The following SWT1 variants were observed in gnomAD, a reference collection of about 807,000 sequenced individuals.
SWT1 encodes transcriptional protein SWT1.
A neutral mutation model predicts 107.3 loss-of-function variants in SWT1; 33 were observed. That is an observed-to-expected ratio of 0.31 (90% CI 0.23 to 0.41). The LOEUF is 0.41. Ranked by LOEUF, SWT1 falls within the 10% of genes least tolerant of loss-of-function variation. The probability of loss-of-function intolerance (pLI) is 1.00; values close to 1 mark genes in which losing one functional copy is unlikely to be tolerated. For missense variants in SWT1, 898 were observed against 1,028.9 expected, an observed-to-expected ratio of 0.87 and a Z score of 1.74; for synonymous variants, 345 against 348.3, an observed-to-expected ratio of 0.99 and a Z score of 0.11.
chr1:185,291,009 A>G lies in SWT1; in HGVS notation c.*206A>G, dbSNP rs902246945. 6.2e-6 allele frequency: 2 copies of G among 322,492 alleles called. No homozygotes were observed. The highest frequency in any genetic ancestry group is 4.3e-5 in the African/African-American group (2 of 46,192). The allele number at this position is 322,492 out of a possible 1,614,324, so 20.0% of individuals were successfully genotyped here. A position where few individuals can be genotyped will look rare whatever the true frequency, so the allele number is the denominator to read the frequency against. ...CTGTGGAATAAACTCCATAGACTCA[A>G]CTCTTCTGGAGTTCACAATGCCTCC... On this transcript the variant is annotated 3_prime_UTR_variant, in exon 19 of 19. Transcript: ENST00000367500.
intron 13 of SWT1, among the ~76,000 whole-genome samples, chr1:185,207,908 C>CAT (rs745807992): frequency 1.4e-4 from 22 of 152,130 alleles, no homozygotes; most frequent in Non-Finnish European, 2.4e-4. Context: ...CTCAAAAAAA[C>CAT]ATATATATAA....
intron 9 of SWT1, among the ~76,000 whole-genome samples, chr1:185,188,380 G>A (rs1246432390): frequency 6.6e-6 from 1 of 152,158 alleles, no homozygotes; most frequent in Non-Finnish European, 1.5e-5. Flanking sequence ...GAATTGAATT[G>A]TTTAAAGTTA....
intron 17 of SWT1, among the ~76,000 whole-genome samples, chr1:185,276,117 A>G (rs1283233878): frequency 6.6e-6 from 1 of 152,176 alleles, no homozygotes; most frequent in East Asian, 1.9e-4. Context: ...TGTCTTCCAT[A>G]TGTGTGCCAT....
In SWT1 at chr1:185,269,676, A is replaced by C. The variant is rs142846033; in HGVS notation, c.2442-1647A>C. Among the ~76,000 whole-genome samples the C allele has an allele frequency of 4.9e-3, 746 of 152,352 alleles. 8 individuals are homozygous for C. The highest frequency in any genetic ancestry group is 7.5e-3 in the Non-Finnish European group (508 of 68,018). On this transcript the variant is annotated intron_variant, in intron 16 of 18. Transcript: ENST00000367500. ...ACCCAGAGACAGTGTTGTAATTAAA[A>C]GCCATTAGGAATCTAAAAGTTAACC... is the stretch of plus-strand genomic sequence containing the variant.
chr1:185,237,658 T>C (rs938557544), intron 16 of SWT1, among the ~76,000 whole-genome samples: 3 of 152,056 alleles, frequency 2.0e-5, no homozygotes, highest in Non-Finnish European at 4.4e-5. Flanking sequence ...GTAACAAACC[T>C]GCCCATTCTG....
chr1:185,218,171 A>G (rs1659367030), intron 14 of SWT1, among the ~76,000 whole-genome samples: 1 of 152,234 alleles, frequency 6.6e-6, no homozygotes, highest in South Asian at 2.1e-4. Context: ...ATTACCTCCA[A>G]AGATATGGTA....
chr1:185,249,861 G>A (rs950165548), intron 16 of SWT1, among the ~76,000 whole-genome samples: 19 of 152,194 alleles, frequency 1.2e-4, no homozygotes, highest in African/African-American at 4.6e-4. Context: ...AGAAAAGGAA[G>A]CTGCAATTGA....
At position 185,174,576 on chromosome 1, in the gene SWT1, G is replaced by A. The variant is rs1323223498; in HGVS notation, c.429G>A (p.Lys143=). The A allele has an allele frequency of 1.2e-6, 2 of 1,608,482 alleles. No individual in the cohort carries two copies. The highest frequency in any genetic ancestry group is 2.2e-5 in the East Asian group (1 of 44,864). The stretch of plus-strand genomic sequence containing the variant: ...TCAAATTGACAAATGCTGGGAGCAA[G>A]CTTGACCATGGAATTAAAAGCCTTA... ...KDIKLTNAGS[K]LDHGIKSLSS... The change falls in exon 5 of 19, where the codon AAG becomes AAA. Residue 143 remains lysine, a synonymous_variant. Transcript: ENST00000367500.
chr1:185,256,426 C>G (rs1369139272), intron 16 of SWT1, among the ~76,000 whole-genome samples: 9 of 151,412 alleles, frequency 5.9e-5, no homozygotes, highest in Non-Finnish European at 1.2e-4. Flanking sequence ...ACCAATCAGA[C>G]GTAGATTTGG....
intron 15 of SWT1, among the ~76,000 whole-genome samples, chr1:185,225,076 A>G (rs1659949076): frequency 6.6e-6 from 1 of 152,080 alleles, no homozygotes; most frequent in South Asian, 2.1e-4. Flanking sequence ...CCTTTATTGC[A>G]TTGAGGTATG....
intron 7 of SWT1, among the ~76,000 whole-genome samples, chr1:185,182,834 T>G (rs1454051693): frequency 6.6e-6 from 1 of 152,188 alleles, no homozygotes; most frequent in Non-Finnish European, 1.5e-5. Flanking sequence ...TCAAATTCCA[T>G]TTTTAAAAAT....
At chr1:185,264,310 A>G (rs1558087756) in intron 16 of SWT1, 2 of 981,094 alleles carry the variant, frequency 2.0e-6, no homozygotes, top group Non-Finnish European at 2.4e-6. Context: ...TATTGTCAAT[A>G]TCAGGACTAA....
intron 10 of SWT1, among the ~76,000 whole-genome samples, chr1:185,191,299 T>C (rs1047140195): frequency 1.3e-5 from 2 of 152,152 alleles, no homozygotes; most frequent in African/African-American, 2.4e-5. Context: ...AGTTCAAAGA[T>C]AAAACTAAGA....
At chr1:185,219,452 A>G (rs1659466805) in intron 14 of SWT1, among the ~76,000 whole-genome samples, 1 of 152,226 alleles carries the variant, frequency 6.6e-6, no homozygotes, top group Non-Finnish European at 1.5e-5. Context: ...TACTACTGAT[A>G]GTATTGGAAA....
intron 12 of SWT1, among the ~76,000 whole-genome samples, chr1:185,206,206 G>A (rs1201956602): frequency 6.6e-6 from 1 of 152,032 alleles, no homozygotes; most frequent in African/African-American, 2.4e-5. Flanking sequence ...ATACGCCCAC[G>A]TCGGCCTCCC....
At position 185,197,484 on chromosome 1, in the gene SWT1, G is replaced by C. The variant is rs189419413; in HGVS notation, c.1524-5170G>C. Among the ~76,000 whole-genome samples, 230 of 152,268 alleles carry C rather than the reference G, an allele frequency of 1.5e-3. 3 individuals are homozygous for C. Among genetic ancestry groups the C allele is most frequent in the Admixed American group, 0.013 (205 of 15,276 alleles). Reference sequence around the variant, plus strand: ...GGATGATGCTGGCCTCATGCGTTAGGGAGGAGTCCCTCTTTTTCTATTGTT... The same window carrying C: ...GGATGATGCTGGCCTCATGCGTTAGCGAGGAGTCCCTCTTTTTCTATTGTT... On this transcript the variant is annotated intron_variant, in intron 10 of 18. Coordinates refer to ENST00000367500, the MANE Select transcript of SWT1 (RefSeq NM_017673.7).
chr1:185,257,645 A>G (rs1220428424), intron 16 of SWT1, among the ~76,000 whole-genome samples: 1 of 152,178 alleles, frequency 6.6e-6, no homozygotes, highest in East Asian at 1.9e-4. Flanking sequence ...CGGCTCGCAC[A>G]TGGTGCGCGC....
chr1:185,272,722 C>T (rs943291548), intron 17 of SWT1, among the ~76,000 whole-genome samples: 3 of 152,074 alleles, frequency 2.0e-5, no homozygotes, highest in African/African-American at 7.2e-5. Context: ...GCAAAGTGCT[C>T]CAAACAGTAC....
At chr1:185,165,743 C>G (rs559929811) in intron 2 of SWT1, among the ~76,000 whole-genome samples, 1 of 152,242 alleles carries the variant, frequency 6.6e-6, no homozygotes, top group Non-Finnish European at 1.5e-5. Flanking sequence ...ACTCTCCTGA[C>G]ATAATTTGCT....
Sources: allele counts gnomAD v4.1 joint callset (sites outside exome capture counted in the v4.1 genomes callset), GRCh38; gene constraint gnomAD v4.1.1; transcripts MANE v1.5; gene names NCBI Gene and HGNC (gene_info 2026-07-23, HGNC 2026-07-21).